RSF1: variants seen among roughly 807,000 people sequenced by gnomAD.
RSF1 encodes the protein remodeling and spacing factor 1, also known as HBV pX-associated protein 8.
In RSF1, 13 loss-of-function variants were observed where a neutral mutation model predicts 145.2. The observed-to-expected ratio is 0.09, with a 90% CI of 0.06 to 0.14. The LOEUF is 0.14. RSF1 is among the 10% of genes least tolerant of loss of function. RSF1 has a pLI of 1.00. For synonymous variants in RSF1, 577 were observed against 592.6 expected (o/e 0.97, Z 0.38); for missense variants, 1,517 against 1,718.2 (o/e 0.88, Z 2.07).
intron 9 of RSF1, among the ~76,000 whole-genome samples, chr11:77,690,237 G>A (rs1191458270): frequency 6.6e-6 from 1 of 151,744 alleles, no homozygotes; most frequent in Non-Finnish European, 1.5e-5. Context: ...TTGAAAAGAG[G>A]GGCATCTCTT....
chr11:77,772,598 GGA>G (rs1306656163), intron 1 of RSF1, among the ~76,000 whole-genome samples: 1 of 152,050 alleles, frequency 6.6e-6, no homozygotes, highest in African/African-American at 2.4e-5. Context: ...TAGAAAGTCA[GGA>G]GAGAGGGGTG....
chr11:77,683,925 C>A, intron 10 of RSF1, 106 bp from the exon 11 acceptor site: 2 of 781,478 alleles, frequency 2.6e-6, no homozygotes, highest in East Asian at 2.7e-5. Flanking sequence ...TGTGAAAGGT[C>A]TGAAAAAGTT....
At chr11:77,760,107 T>C (rs1461517492) in intron 2 of RSF1, among the ~76,000 whole-genome samples, 1 of 152,148 alleles carries the variant, frequency 6.6e-6, no homozygotes, top group Non-Finnish European at 1.5e-5. Context: ...AAATACGTGT[T>C]CACAGAAAAA....
intron 5 of RSF1, among the ~76,000 whole-genome samples, chr11:77,706,095 G>A (rs1960542115): frequency 6.6e-6 from 1 of 151,872 alleles, no homozygotes; most frequent in African/African-American, 2.4e-5. Flanking sequence ...TACAAAATTA[G>A]CAGGGTGGGG....
At chr11:77,783,130 TTAAA>T (rs1468325301) in intron 1 of RSF1, among the ~76,000 whole-genome samples, 1 of 152,206 alleles carries the variant, frequency 6.6e-6, no homozygotes, top group Non-Finnish European at 1.5e-5. Context: ...CAGTCTACTA[TTAAA>T]TAATATTCTA....
intron 15 of RSF1, among the ~76,000 whole-genome samples, chr11:77,668,049 G>A (rs1959416962): frequency 6.6e-6 from 1 of 151,160 alleles, no homozygotes; most frequent in Admixed American, 6.6e-5. Flanking sequence ...CCAGGCTGGA[G>A]TATCATGGCG....
At chr11:77,827,865 T>C in the RSF1 span, among the ~76,000 whole-genome samples, 1 of 152,080 alleles carries the variant, frequency 6.6e-6, no homozygotes, top group Non-Finnish European at 1.5e-5. Context: ...ATGTAGGAAA[T>C]CCTAAAGAAT....
intron 2 of RSF1, among the ~76,000 whole-genome samples, chr11:77,752,614 C>T (rs1948075013): frequency 6.6e-6 from 1 of 152,124 alleles, no homozygotes; most frequent in Non-Finnish European, 1.5e-5. Context: ...CCACTCTTAA[C>T]CTCACTCTCT....
At chr11:77,820,899 G>A (rs1378720047), upstream of RSF1, 4 of 622,924 alleles carry the variant, frequency 6.4e-6, no homozygotes, top group Non-Finnish European at 1.1e-5. Context: ...GTCGAGAACC[G>A]AGTCAGACGG....
At chr11:77,706,741 G>C (rs1057333064) in intron 5 of RSF1, among the ~76,000 whole-genome samples, 1 of 151,918 alleles carries the variant, frequency 6.6e-6, no homozygotes, top group Non-Finnish European at 1.5e-5. Context: ...TATCATGAGG[G>C]TTTGACATAC....
At chr11:77,798,049 A>G (rs183913691) in intron 1 of RSF1, among the ~76,000 whole-genome samples, 174 of 152,314 alleles carry the variant, frequency 1.1e-3, no homozygotes, top group African/African-American at 4.1e-3. Flanking sequence ...ATGCTTTTAC[A>G]CTGTTGGTGG....
chr11:77,684,222 T>G (rs926508642), intron 10 of RSF1, among the ~76,000 whole-genome samples: 1 of 152,258 alleles, frequency 6.6e-6, no homozygotes, highest in Non-Finnish European at 1.5e-5. Context: ...AGCTTGTGAT[T>G]TAATTAAGCC....
rs1948150416 is a variant in RSF1, at chr11:77,759,565, T to C, written c.279+5033A>G. 2.0e-5 allele frequency among the ~76,000 whole-genome samples: 3 copies of C among 152,024 alleles called. No homozygotes were observed. In the South Asian group the frequency reaches 6.2e-4, roughly 32 times the overall value. Reference sequence around the variant, plus strand: ...CAGGCATGGTGGCGTGTGCCTGTAATCCCAACTACTCAGGAGGCTGAGGCA... The same window carrying C: ...CAGGCATGGTGGCGTGTGCCTGTAACCCCAACTACTCAGGAGGCTGAGGCA... On this transcript the variant is annotated intron_variant, in intron 2 of 15. Transcript: ENST00000308488.
chr11:77,783,757 G>A (rs771863962), intron 1 of RSF1, among the ~76,000 whole-genome samples: 3 of 151,962 alleles, frequency 2.0e-5, no homozygotes, highest in Non-Finnish European at 2.9e-5. Flanking sequence ...TGGGAGGATC[G>A]CTTGAGCCCA....
chr11:77,780,383 G>A (rs541299325), intron 1 of RSF1, among the ~76,000 whole-genome samples: 7 of 152,330 alleles, frequency 4.6e-5, no homozygotes, highest in African/African-American at 1.2e-4. Context: ...TCTTCAGGAT[G>A]TGCAATCAAC....
At chr11:77,773,677 A>G (rs2135947695) in intron 1 of RSF1, among the ~76,000 whole-genome samples, 1 of 152,334 alleles carries the variant, frequency 6.6e-6, no homozygotes, top group South Asian at 2.1e-4. Flanking sequence ...ATATGCTATC[A>G]TAGACAATGC....
intron 1 of RSF1, among the ~76,000 whole-genome samples, chr11:77,806,255 G>T (rs138642570): frequency 9.9e-4 from 151 of 152,094 alleles, no homozygotes; most frequent in African/African-American, 3.6e-3. Context: ...AACAGAAACG[G>T]AATAATGACT....
chr11:77,784,122 A>T (rs1948431538), intron 1 of RSF1, among the ~76,000 whole-genome samples: 1 of 152,160 alleles, frequency 6.6e-6, no homozygotes, highest in African/African-American at 2.4e-5. Context: ...TCCTTCTAGG[A>T]TCTCAAATAC....
chr11:77,839,810 G>C, the RSF1 span, among the ~76,000 whole-genome samples: 2 of 152,046 alleles, frequency 1.3e-5, no homozygotes, highest in Non-Finnish European at 2.9e-5. Context: ...CACACACTGG[G>C]GCTTGCTGGT....
Sources: allele counts gnomAD v4.1 joint callset (sites outside exome capture counted in the v4.1 genomes callset), GRCh38; gene constraint gnomAD v4.1.1; transcripts MANE v1.5; gene names NCBI Gene and HGNC (gene_info 2026-07-23, HGNC 2026-07-21).